EIF4G3: variants seen among roughly 807,000 people sequenced by gnomAD.
EIF4G3 encodes eukaryotic translation initiation factor 4 gamma 3.
In EIF4G3, 34 loss-of-function variants were observed where a neutral mutation model predicts 186.4. The ratio of observed to expected loss-of-function variants is 0.18; its 90% CI spans 0.14 to 0.24. EIF4G3 has a LOEUF of 0.24. Among genes scored for constraint, EIF4G3 ranks in the 10% least tolerant of loss-of-function variants. The pLI is 1.00. For missense variants in EIF4G3, 1,536 were observed against 1,948.5 expected, an observed-to-expected ratio of 0.79 and a Z score of 3.99; for synonymous variants, 673 against 679.5, an observed-to-expected ratio of 0.99 and a Z score of 0.15.
rs115975659 is a variant in EIF4G3, at chr1:20,952,450, C to T, written c.715-2339G>A. Among the ~76,000 whole-genome samples, 824 of 152,186 alleles carry T rather than the reference C, an allele frequency of 5.4e-3. 2 individuals carry two copies. The highest frequency in any genetic ancestry group is 8.3e-3 in the Non-Finnish European group (561 of 68,000). ...ATTACAGACGTAAGCCACTGCGCCC[C>T]GCCAGAATTCAATACTTTAGTCTTG... On this transcript the variant is annotated intron_variant, in intron 12 of 36. Coordinates refer to ENST00000602326, the MANE Select transcript of EIF4G3 (RefSeq NM_001391906.1).
chr1:21,065,879 G>T (rs1388358914), intron 3 of EIF4G3, among the ~76,000 whole-genome samples: 1 of 152,092 alleles, frequency 6.6e-6, no homozygotes, highest in Admixed American at 6.6e-5. Flanking sequence ...ATTCCTGCTT[G>T]ATTTTCATTT....
intron 2 of EIF4G3, among the ~76,000 whole-genome samples, chr1:21,102,268 T>C (rs925340448): frequency 3.9e-5 from 6 of 152,192 alleles, no homozygotes; most frequent in African/African-American, 1.2e-4. Context: ...CTGGCCACCA[T>C]GGTGAAACCC....
chr1:20,867,900 A>C (rs935126088), intron 20 of EIF4G3, among the ~76,000 whole-genome samples: 1 of 152,164 alleles, frequency 6.6e-6, no homozygotes, highest in Admixed American at 6.5e-5. Flanking sequence ...AAACTGAATA[A>C]CTAGCAGAAT....
chr1:20,984,098 C>A (rs967866827), intron 7 of EIF4G3, among the ~76,000 whole-genome samples: 2 of 152,006 alleles, frequency 1.3e-5, no homozygotes, highest in Non-Finnish European at 2.9e-5. Flanking sequence ...TAATGATATT[C>A]CTAATATTAA....
intron 4 of EIF4G3, among the ~76,000 whole-genome samples, chr1:21,005,353 T>C (rs1208063385): frequency 2.0e-5 from 3 of 152,192 alleles, no homozygotes; most frequent in African/African-American, 7.2e-5. Flanking sequence ...ATTTTGACAC[T>C]ATTCACATTT....
chr1:20,908,571 C>T (rs1190876205), intron 14 of EIF4G3, among the ~76,000 whole-genome samples: 1 of 152,086 alleles, frequency 6.6e-6, no homozygotes, highest in Non-Finnish European at 1.5e-5. Flanking sequence ...AAAAAGAGCG[C>T]ACCTTACAGT....
chr1:21,049,222 G>A (rs1190233398), intron 4 of EIF4G3, among the ~76,000 whole-genome samples: 1 of 152,162 alleles, frequency 6.6e-6, no homozygotes, highest in African/African-American at 2.4e-5. Context: ...AGAACAAAGA[G>A]TTTCAGCAAG....
intron 7 of EIF4G3, among the ~76,000 whole-genome samples, chr1:20,987,019 G>A (rs1017695838): frequency 2.6e-5 from 4 of 152,108 alleles, no homozygotes; most frequent in African/African-American, 9.7e-5. Flanking sequence ...TTAAAACAGA[G>A]GCTGAACTTA....
intron 2 of EIF4G3, among the ~76,000 whole-genome samples, chr1:21,096,692 C>T (rs2096380138): frequency 6.6e-6 from 1 of 152,184 alleles, no homozygotes; most frequent in Non-Finnish European, 1.5e-5. Flanking sequence ...GAGCTACATA[C>T]ATTTGGCAGA....
intron 2 of EIF4G3, among the ~76,000 whole-genome samples, chr1:21,145,454 C>T (rs2097423007): frequency 6.7e-6 from 1 of 150,366 alleles, no homozygotes; most frequent in South Asian, 2.1e-4. Flanking sequence ...TTTTAAGAGA[C>T]AGGTTCTCAC....
intron 4 of EIF4G3, among the ~76,000 whole-genome samples, chr1:21,047,869 T>C (rs1159976948): frequency 6.6e-6 from 1 of 152,166 alleles, no homozygotes; most frequent in East Asian, 1.9e-4. Context: ...TTCCTCACCA[T>C]ATCAACAAGT....
At chr1:20,990,739 G>T (rs142048994) in intron 7 of EIF4G3, among the ~76,000 whole-genome samples, 1 of 152,280 alleles carries the variant, frequency 6.6e-6, no homozygotes, top group East Asian at 1.9e-4. Context: ...TGTTCAGTTA[G>T]TAGACTACAG....
chr1:20,890,922 G>A (rs1000705301), intron 18 of EIF4G3, among the ~76,000 whole-genome samples: 5 of 152,176 alleles, frequency 3.3e-5, no homozygotes, highest in African/African-American at 1.2e-4. Flanking sequence ...ACATTACCCT[G>A]AGACATCAAA....
intron 3 of EIF4G3, among the ~76,000 whole-genome samples, chr1:21,058,490 G>A (rs1021171591): frequency 1.3e-5 from 2 of 151,864 alleles, no homozygotes; most frequent in Non-Finnish European, 2.9e-5. Context: ...ATGGCTCTAG[G>A]GGTATCTCAT....
At chr1:21,130,356 T>C (rs1010855118) in intron 2 of EIF4G3, among the ~76,000 whole-genome samples, 1 of 150,278 alleles carries the variant, frequency 6.7e-6, no homozygotes, top group African/African-American at 2.4e-5. Flanking sequence ...TCCCGAGTGG[T>C]TGGGATTAAA....
intron 27 of EIF4G3, 66 bp downstream of exon 27, chr1:20,853,494 C>T (rs1219205672): frequency 9.6e-7 from 1 of 1,038,720 alleles, no homozygotes; most frequent in Non-Finnish European, 1.5e-6. Context: ...AACCCTTGTT[C>T]TTATCTTGCC....
Position 20,836,970 on chromosome 1 carries a change from G to C in EIF4G3, c.4061+3886C>G, listed in dbSNP as rs530276327. Among the ~76,000 whole-genome samples, 15 of 152,274 alleles carry C rather than the reference G, an allele frequency of 9.9e-5. 1 individual carries two copies. In the South Asian group the frequency reaches 3.1e-3, roughly 32 times the overall value. ...TAGATTCAAGTCCTGAAAATATCAG[G>C]ACGATGGCTTGATGTTTTCTTTGCG... On this transcript the variant is annotated intron_variant, in intron 30 of 36. Coordinates refer to ENST00000602326, the MANE Select transcript of EIF4G3 (RefSeq NM_001391906.1).
At chr1:20,913,781 G>A (rs2093536652) in intron 14 of EIF4G3, among the ~76,000 whole-genome samples, 1 of 147,726 alleles carries the variant, frequency 6.8e-6, no homozygotes, top group African/African-American at 2.5e-5. Flanking sequence ...TAAGATGAAA[G>A]TTGAGGTCAA....
intron 3 of EIF4G3, among the ~76,000 whole-genome samples, chr1:21,077,492 T>G (rs1178807123): frequency 6.6e-6 from 1 of 150,746 alleles, no homozygotes; most frequent in East Asian, 1.9e-4. Context: ...ATATGAAAAG[T>G]GCTCAATATC....
Sources: gnomAD v4.1 joint callset for allele counts (sites outside exome capture counted in the v4.1 genomes callset) on GRCh38, gnomAD v4.1.1 for gene constraint, MANE v1.5 for transcripts, NCBI Gene and HGNC (gene_info 2026-07-23, HGNC 2026-07-21) for gene names.